The following USH2A variants were observed in gnomAD, a reference collection of about 807,000 sequenced individuals.
The protein encoded by USH2A is Usher syndrome 2A (autosomal recessive, mild).
USH2A carries 443 observed loss-of-function variants against 538.9 expected under a neutral mutation model. The observed-to-expected ratio is 0.82, with a 90% CI of 0.76 to 0.89. The LOEUF is 0.89. Ranked by LOEUF, USH2A falls within the 40% of genes least tolerant of loss-of-function variation. The pLI, the probability that USH2A is intolerant of heterozygous loss-of-function variation, is 0.00. For synonymous variants in USH2A, 2,413 were observed against 2,273.5 expected (o/e 1.06, Z -1.75); for missense variants, 6,633 against 6,324.8 (o/e 1.05, Z -1.65).
At chr1:215,788,507 T>C (rs528822458) in intron 51 of USH2A, among the ~76,000 whole-genome samples, 43 of 94,562 alleles carry the variant, frequency 4.5e-4, no homozygotes, top group African/African-American at 2.4e-3. Flanking sequence ...TGAATTGTAA[T>C]GTAAAAAAAA....
At chr1:216,333,618 G>T (rs1370534731) in intron 4 of USH2A, among the ~76,000 whole-genome samples, 2 of 151,676 alleles carry the variant, frequency 1.3e-5, no homozygotes, top group East Asian at 3.9e-4. Flanking sequence ...TCAATGAACT[G>T]CAAGTGGGAT....
chr1:215,947,042 C>CTA (rs1666777035), intron 37 of USH2A, among the ~76,000 whole-genome samples: 1 of 146,342 alleles, frequency 6.8e-6, no homozygotes. Context: ...AGGTATATTA[C>CTA]TTTTTTTTTT....
At chr1:215,752,286 A>C (rs1660645069) in intron 58 of USH2A, among the ~76,000 whole-genome samples, 1 of 152,098 alleles carries the variant, frequency 6.6e-6, no homozygotes, top group African/African-American at 2.4e-5. Flanking sequence ...TTTTATAAGG[A>C]TATGTTGTTT....
intron 43 of USH2A, among the ~76,000 whole-genome samples, chr1:215,875,254 C>T (rs1664733170): frequency 2.6e-5 from 4 of 151,942 alleles, no homozygotes. Flanking sequence ...TATAAAGACT[C>T]ACGCCATTTA....
At chr1:215,909,700 C>G (rs1285531294) in intron 38 of USH2A, among the ~76,000 whole-genome samples, 1 of 151,844 alleles carries the variant, frequency 6.6e-6, no homozygotes, top group Non-Finnish European at 1.5e-5. Context: ...ATGCGATAGG[C>G]AGGGAAGGCA....
chr1:215,692,848 T>C (rs1484121587), intron 61 of USH2A, among the ~76,000 whole-genome samples: 1 of 151,962 alleles, frequency 6.6e-6, no homozygotes, highest in Admixed American at 6.6e-5. Context: ...CATGCCCCAG[T>C]TGTTTAGTTC....
At chr1:215,874,173 G>C (rs1664695424) in intron 43 of USH2A, among the ~76,000 whole-genome samples, 3 of 152,140 alleles carry the variant, frequency 2.0e-5, no homozygotes, top group Non-Finnish European at 2.9e-5. Flanking sequence ...ATAACAGCAC[G>C]TTCGCCAGAT....
chr1:215,755,732 T>G (rs1273097182), intron 58 of USH2A, among the ~76,000 whole-genome samples: 1 of 152,208 alleles, frequency 6.6e-6, no homozygotes, highest in African/African-American at 2.4e-5. Flanking sequence ...TGTAAAGCAT[T>G]CTACAATATC....
intron 14 of USH2A, among the ~76,000 whole-genome samples, chr1:216,226,950 G>C (rs983039737): frequency 1.3e-5 from 2 of 152,146 alleles, no homozygotes; most frequent in African/African-American, 4.8e-5. Flanking sequence ...CCAGGTCTAA[G>C]ATAGATATCA....
At chr1:215,881,068 T>G (rs147708059) in intron 41 of USH2A, among the ~76,000 whole-genome samples, 68 of 152,306 alleles carry the variant, frequency 4.5e-4, no homozygotes, top group African/African-American at 1.6e-3. Flanking sequence ...ATTGCACCAT[T>G]GAACTCCAGC....
Position 216,014,383 on chromosome 1 carries a change from A to G in USH2A, c.6326-13821T>C, listed in dbSNP as rs190962811. Among the ~76,000 whole-genome samples, 119 of 152,342 alleles carry G rather than the reference A, an allele frequency of 7.8e-4. 2 individuals carry two copies. The highest frequency in any genetic ancestry group is 7.3e-3 in the Admixed American group (111 of 15,292). ...AGTGAAGCCATAAACAAAGCCACCA[A>G]TTTGAAATTTAAAGCAAAGAGGAAA... is the stretch of plus-strand genomic sequence containing the variant. On this transcript the variant is annotated intron_variant, in intron 32 of 71. Coordinates refer to ENST00000307340, the MANE Select transcript of USH2A (RefSeq NM_206933.4).
At position 215,872,554 on chromosome 1, in the gene USH2A, GT is replaced by G. The variant is rs1664651077; in HGVS notation, c.8681+5203del. The stretch of plus-strand genomic sequence containing the variant: ...GAAAGAAATACAGCCAATGAAAGTA[GT>G]TTTTCTGCTTTTTTATTCTAAGAAA... On this transcript the variant is annotated intron_variant, in intron 43 of 71. Transcript: ENST00000307340. Among the ~76,000 whole-genome samples, 6 of 152,220 alleles carry G rather than the reference GT, an allele frequency of 3.9e-5. No homozygotes were observed. The South Asian group carries it at 8.3e-4, about 21-fold the overall frequency.
At chr1:216,198,026 T>A (rs747118751) in intron 18 of USH2A, among the ~76,000 whole-genome samples, 28 of 152,142 alleles carry the variant, frequency 1.8e-4, no homozygotes, top group Non-Finnish European at 2.8e-4. Context: ...GGAAACCAAA[T>A]GCTATTTTTG....
chr1:215,907,590 T>C (rs1665673004), intron 38 of USH2A, among the ~76,000 whole-genome samples: 1 of 152,028 alleles, frequency 6.6e-6, no homozygotes, highest in African/African-American at 2.4e-5. Flanking sequence ...GTGATGCTGC[T>C]GAAACTTCAC....
intron 3 of USH2A, among the ~76,000 whole-genome samples, chr1:216,411,791 C>G (rs1366012922): frequency 1.3e-5 from 2 of 152,124 alleles, no homozygotes; most frequent in Non-Finnish European, 2.9e-5. Flanking sequence ...CTTCTAACAA[C>G]TTGATTTCAG....
At chr1:215,729,354 T>A (rs941083354) in intron 60 of USH2A, among the ~76,000 whole-genome samples, 1 of 152,202 alleles carries the variant, frequency 6.6e-6, no homozygotes, top group Non-Finnish European at 1.5e-5. Flanking sequence ...CATTTGAATT[T>A]TCTCTTCTAT....
intron 32 of USH2A, among the ~76,000 whole-genome samples, chr1:216,012,965 G>A (rs572822995): frequency 6.6e-6 from 1 of 152,184 alleles, no homozygotes; most frequent in Non-Finnish European, 1.5e-5. Context: ...TCCTGCTCTT[G>A]TTTACACTGC....
chr1:215,900,869 G>T lies in USH2A; in HGVS notation c.7337C>A (p.Ala2446Asp). 6.2e-7 allele frequency: 1 copy of T among 1,613,672 alleles called. No individual in the cohort carries two copies. The highest frequency in any genetic ancestry group is 8.5e-7 in the Non-Finnish European group (1 of 1,179,730). ...DGVLPPRLSS[A>D]TPTSLQVVWS... ...GACAACCTGAAGACTGGTTGGAGTG[G>T]CAGATGAAAGCCTGGGAGGCAGCAC... The change falls in exon 39 of 72, where the codon GCC becomes GAC. Residue 2446 changes from alanine (A) to aspartate (D), a missense_variant. By Grantham distance (126) the Ala-to-Asp change is moderately radical. Coordinates refer to ENST00000307340, the MANE Select transcript of USH2A (RefSeq NM_206933.4).
At chr1:215,933,902 T>C (rs1666426843) in intron 38 of USH2A, among the ~76,000 whole-genome samples, 1 of 152,018 alleles carries the variant, frequency 6.6e-6, no homozygotes, top group African/African-American at 2.4e-5. Context: ...GGGCCATCCA[T>C]GTCAACCCTA....
Sources: allele counts gnomAD v4.1 joint callset (sites outside exome capture counted in the v4.1 genomes callset), GRCh38; gene constraint gnomAD v4.1.1; transcripts MANE v1.5; gene names NCBI Gene and HGNC (gene_info 2026-07-23, HGNC 2026-07-21).